The following ARIH2 variants were observed in gnomAD, a reference collection of about 807,000 sequenced individuals.
ARIH2 encodes the protein ariadne RBR E3 ubiquitin protein ligase 2, also known as E3 ubiquitin-protein ligase ARIH2.
ARIH2 carries 12 observed loss-of-function variants against 79.8 expected under a neutral mutation model. The ratio of observed to expected loss-of-function variants is 0.15; its 90% CI spans 0.10 to 0.24. The LOEUF (loss-of-function observed/expected upper bound fraction) is 0.24. ARIH2 is among the 10% of genes least tolerant of loss of function. The pLI, the probability that ARIH2 is intolerant of heterozygous loss-of-function variation, is 1.00. For missense variants in ARIH2, 301 were observed against 618.3 expected, an observed-to-expected ratio of 0.49 and a Z score of 5.44; for synonymous variants, 224 against 213.9, an observed-to-expected ratio of 1.05 and a Z score of -0.41.
chr3:48,979,412 A>T, intron 11 of ARIH2, 70 bp from the exon 12 acceptor site: 3 of 1,542,488 alleles, frequency 1.9e-6, no homozygotes, highest in Non-Finnish European at 2.6e-6. Context: ...TGTCTGTCTC[A>T]CTCCTCTGCC....
intron 2 of ARIH2, among the ~76,000 whole-genome samples, chr3:48,924,419 G>C (rs910124933): frequency 6.6e-6 from 1 of 151,982 alleles, no homozygotes; most frequent in African/African-American, 2.4e-5. Context: ...GAGTGCAGTG[G>C]CACGATCTCA....
chr3:48,968,484 C>T, intron 6 of ARIH2, 50 bp from the exon 7 acceptor site: 14 of 1,577,216 alleles, frequency 8.9e-6, no homozygotes, highest in Non-Finnish European at 1.2e-5. Context: ...GCTGGGATTA[C>T]AGGCATGAGC....
chr3:48,946,799 TCTCTGCTCA>T (rs2089214985), intron 3 of ARIH2, among the ~76,000 whole-genome samples: 3 of 152,068 alleles, frequency 2.0e-5, no homozygotes, highest in Non-Finnish European at 2.9e-5. Flanking sequence ...CTGCGCTTGG[TCTCTGCTCA>T]GACCCCATCT....
chr3:48,923,976 A>G (rs2106844827), intron 2 of ARIH2, among the ~76,000 whole-genome samples: 1 of 152,298 alleles, frequency 6.6e-6, no homozygotes, highest in Middle Eastern at 3.4e-3. Flanking sequence ...TATACAAAAA[A>G]TAAAATTAGG....
At chr3:48,941,491 A>G (rs1357167639) in intron 3 of ARIH2, among the ~76,000 whole-genome samples, 2 of 152,092 alleles carry the variant, frequency 1.3e-5, no homozygotes, top group Non-Finnish European at 2.9e-5. Flanking sequence ...GGATAGGAAG[A>G]CCTGGTGGTG....
intron 3 of ARIH2, among the ~76,000 whole-genome samples, chr3:48,931,548 C>CA (rs753880308): frequency 0.015 from 1,808 of 121,096 alleles, 16 homozygotes; most frequent in African/African-American, 0.035. Flanking sequence ...GACTCTGTCT[C>CA]AAAAAAAAAA....
chr3:48,983,141 C>T, intron 15 of ARIH2, 58 bp from the exon 16 acceptor site: 1 of 1,597,268 alleles, frequency 6.3e-7, no homozygotes, highest in South Asian at 1.1e-5. Context: ...GTGGCTTTGG[C>T]TACTCCTTGC....
chr3:48,933,572 C>T (rs1305529921), intron 3 of ARIH2, among the ~76,000 whole-genome samples: 5 of 130,448 alleles, frequency 3.8e-5, no homozygotes, highest in African/African-American at 8.9e-5. Context: ...TTAGTTGAGA[C>T]GGACTCTCGC....
chr3:48,963,999 T>C (rs993744203), intron 4 of ARIH2, among the ~76,000 whole-genome samples: 2 of 152,166 alleles, frequency 1.3e-5, no homozygotes, highest in Admixed American at 6.6e-5. Context: ...TGAATACTGA[T>C]CCTTTGCCAG....
chr3:48,955,421 C>T (rs1243296092), intron 3 of ARIH2, among the ~76,000 whole-genome samples: 1 of 150,746 alleles, frequency 6.6e-6, no homozygotes, highest in Non-Finnish European at 1.5e-5. Flanking sequence ...TATAAGTTGT[C>T]TTGATAATAC....
intron 13 of ARIH2, 105 bp from the exon 14 acceptor site, chr3:48,981,555 A>C (rs2092753137): frequency 1.2e-6 from 1 of 856,924 alleles, no homozygotes; most frequent in South Asian, 1.5e-5. Context: ...ATATCTATAG[A>C]GCTGGGCTAA....
chr3:48,968,769 A>G, intron 7 of ARIH2, 114 bp downstream of exon 7: 1 of 1,426,770 alleles, frequency 7.0e-7, no homozygotes, highest in East Asian at 2.5e-5. Flanking sequence ...GTGTTCAAAG[A>G]AAGCGCTCCA....
chr3:48,933,235 GGTGTGTGTGTGTGTGTGTGT>G (rs57911300), intron 3 of ARIH2, among the ~76,000 whole-genome samples: 3,440 of 134,144 alleles, frequency 0.026, 105 homozygotes, highest in African/African-American at 0.062. Flanking sequence ...CACATGCCCG[GGTGTGTGTGTGTGTGTGTGT>G]GTGTGTGTGT....
Position 48,947,441 on chromosome 3 carries a change from CAAAAAAA to C in ARIH2, c.256-14161_256-14155del, listed in dbSNP as rs71077757. Among the ~76,000 whole-genome samples the C allele has an allele frequency of 7.6e-5, 9 of 118,994 alleles. 1 individual carries two copies. Among genetic ancestry groups the C allele is most frequent in the African/African-American group, 3.0e-4 (9 of 30,108 alleles). The allele number at this position is 118,994 out of a possible 152,430, so 78.1% of individuals were successfully genotyped here. A position where few individuals can be genotyped will look rare whatever the true frequency, so the allele number is the denominator to read the frequency against. On this transcript the variant is annotated intron_variant, in intron 3 of 15. Transcript: ENST00000356401. ...GGGCAACAAAAGCAAAACTCTGTCTCAAAAAAAAAAAAAAAAGGAAAAAAAAAGCCAG... is the reference window on the plus strand; with the variant it reads ...GGGCAACAAAAGCAAAACTCTGTCTCAAAAAAAAAGGAAAAAAAAAGCCAG...
chr3:48,973,945 G>C, intron 9 of ARIH2, 129 bp downstream of exon 9: 1 of 640,734 alleles, frequency 1.6e-6, no homozygotes, highest in Non-Finnish European at 2.8e-6. Context: ...CTGGGGGTTT[G>C]GGGACCCTCA....
At chr3:48,954,465 A>G (rs979003808) in intron 3 of ARIH2, among the ~76,000 whole-genome samples, 1 of 151,990 alleles carries the variant, frequency 6.6e-6, no homozygotes, top group South Asian at 2.1e-4. Flanking sequence ...TTTTCTACGT[A>G]TAGGATCTCA....
rs1360882302 is a variant in ARIH2 at position 48,979,624 on chromosome 3, C to T, written c.1104C>T (p.Tyr368=). The T allele has an allele frequency of 6.2e-7, 1 of 1,613,896 alleles. No individual in the cohort carries two copies. The highest frequency in any genetic ancestry group is 8.5e-7 in the Non-Finnish European group (1 of 1,180,022). Reference sequence around the variant, plus strand: ...AAGCCCTCAAGAAGTACTTATTCTACTTTGAGAGGGTAGGTGTCCTCTCCT... The same window carrying T: ...AAGCCCTCAAGAAGTACTTATTCTATTTTGAGAGGGTAGGTGTCCTCTCCT... The part of the protein sequence containing the change: ...AREALKKYLF[Y]FERWENHNKS... Residue 368 remains tyrosine, a synonymous_variant, in exon 12 of 16, where the codon TAC becomes TAT. Transcript: ENST00000356401.
intron 3 of ARIH2, among the ~76,000 whole-genome samples, chr3:48,946,773 A>G (rs960083015): frequency 1.3e-5 from 2 of 152,038 alleles, no homozygotes; most frequent in African/African-American, 4.8e-5. Flanking sequence ...GGACTCAGGG[A>G]AAGTGGGAGC....
intron 1 of ARIH2, among the ~76,000 whole-genome samples, chr3:48,919,765 T>G (rs1263089966): frequency 6.6e-6 from 1 of 152,200 alleles, no homozygotes; most frequent in African/African-American, 2.4e-5. Flanking sequence ...GTGTAGGATT[T>G]TGAAACGAAA....
Sources: gnomAD v4.1 joint callset for allele counts (sites outside exome capture counted in the v4.1 genomes callset) on GRCh38, gnomAD v4.1.1 for gene constraint, MANE v1.5 for transcripts, NCBI Gene and HGNC (gene_info 2026-07-23, HGNC 2026-07-21) for gene names.